IL1RAPL2: variants seen among roughly 807,000 people sequenced by gnomAD.
The protein encoded by IL1RAPL2 is X-linked interleukin-1 receptor accessory protein-like 2.
Under a neutral mutation model 44.1 loss-of-function variants are expected in IL1RAPL2, and 3 were observed. That is an observed-to-expected ratio of 0.07 (90% CI 0.03 to 0.18). The LOEUF is 0.18. Ranked by LOEUF, IL1RAPL2 falls within the 10% of genes least tolerant of loss-of-function variation. The pLI is 1.00. For missense variants in IL1RAPL2, 391 were observed against 496.4 expected (o/e 0.79, Z 2.02); for synonymous variants, 181 against 178.8 (o/e 1.01, Z -0.10).
intron 5 of IL1RAPL2, among the ~76,000 whole-genome samples, chrX:105,436,065 A>G (rs771330940): frequency 8.9e-6 from 1 of 111,744 alleles, no homozygotes; most frequent in South Asian, 3.7e-4. Context: ...ATAAATAAAT[A>G]AGAAAAGGAA....
intron 2 of IL1RAPL2, among the ~76,000 whole-genome samples, chrX:104,989,619 AAATG>A (rs1236621130): frequency 3.6e-5 from 4 of 111,514 alleles, no homozygotes; most frequent in African/African-American, 1.3e-4. Flanking sequence ...ACGAGGGAAA[AAATG>A]AACATATGAC....
chrX:105,385,404 G>A (rs971120054), intron 5 of IL1RAPL2, among the ~76,000 whole-genome samples: 1 of 111,137 alleles, frequency 9.0e-6, no homozygotes, highest in African/African-American at 3.3e-5. Flanking sequence ...AGAATCCTCT[G>A]TTTATAAGGG....
At chrX:105,389,965 T>C (rs775765215) in intron 5 of IL1RAPL2, among the ~76,000 whole-genome samples, 5 of 111,219 alleles carry the variant, frequency 4.5e-5, no homozygotes, top group African/African-American at 1.6e-4. Context: ...GAAAATGTTC[T>C]GTGAGACATA....
At chrX:105,017,435 T>A (rs1047585650) in intron 2 of IL1RAPL2, among the ~76,000 whole-genome samples, 1 of 111,555 alleles carries the variant, frequency 9.0e-6, no homozygotes, top group Non-Finnish European at 1.9e-5. Context: ...AAAATACTTA[T>A]GCAAGTGAGT....
intron 4 of IL1RAPL2, among the ~76,000 whole-genome samples, chrX:105,243,954 T>A (rs1556211716): frequency 8.9e-6 from 1 of 111,816 alleles, no homozygotes; most frequent in Admixed American, 9.5e-5. Flanking sequence ...GCTTAAGATT[T>A]GTATTTGCCT....
At chrX:105,076,641 G>A (rs146421154) in intron 2 of IL1RAPL2, among the ~76,000 whole-genome samples, 1,828 of 110,713 alleles carry the variant, frequency 0.017, 39 homozygotes, top group African/African-American at 0.057. Flanking sequence ...TTGACAGTGG[G>A]GTGTTAAAAT....
At chrX:105,686,380 C>CAAAAAAAAAAAAA (rs1177667576) in intron 6 of IL1RAPL2, among the ~76,000 whole-genome samples, 11 of 25,168 alleles carry the variant, frequency 4.4e-4, no homozygotes, top group Admixed American at 7.2e-4. Flanking sequence ...AAATGGAAAG[C>CAAAAAAAAAAAAA]AAAAAAAAAA....
At chrX:104,788,844 G>A (rs1160231750) in intron 2 of IL1RAPL2, among the ~76,000 whole-genome samples, 10 of 111,762 alleles carry the variant, frequency 8.9e-5, no homozygotes, top group African/African-American at 3.3e-4. Context: ...GGGTTATAAT[G>A]TAAGAAAAGC....
chrX:104,744,887 G>A (rs1932149431), intron 2 of IL1RAPL2, among the ~76,000 whole-genome samples: 1 of 110,594 alleles, frequency 9.0e-6, no homozygotes, highest in Admixed American at 9.7e-5. Context: ...TATATATGTG[G>A]AGTGGTGTTA....
At chrX:105,301,584 T>C (rs924017320) in intron 5 of IL1RAPL2, among the ~76,000 whole-genome samples, 4 of 110,791 alleles carry the variant, frequency 3.6e-5, no homozygotes, top group African/African-American at 1.3e-4. Flanking sequence ...TTCAGTTGTT[T>C]TGAAGTTTAG....
intron 1 of IL1RAPL2, among the ~76,000 whole-genome samples, chrX:104,609,679 T>C (rs1379799884): frequency 2.7e-5 from 3 of 112,129 alleles, no homozygotes; most frequent in Non-Finnish European, 5.6e-5. Flanking sequence ...GAAGTTCTCA[T>C]GCTGTGTTTT....
At chrX:105,138,671 G>A (rs947050845) in intron 2 of IL1RAPL2, among the ~76,000 whole-genome samples, 2 of 110,981 alleles carry the variant, frequency 1.8e-5, no homozygotes, top group Non-Finnish European at 1.9e-5. Flanking sequence ...TGTTCAAAAG[G>A]TTCATTCTGT....
intron 2 of IL1RAPL2, among the ~76,000 whole-genome samples, chrX:105,065,211 C>T (rs2032122687): frequency 9.0e-6 from 1 of 111,506 alleles, no homozygotes; most frequent in African/African-American, 3.3e-5. Context: ...TCCACCACAT[C>T]GTAATTGTTT....
intron 2 of IL1RAPL2, among the ~76,000 whole-genome samples, chrX:104,888,187 G>A (rs754698103): frequency 1.8e-5 from 2 of 109,459 alleles, no homozygotes; most frequent in Non-Finnish European, 3.8e-5. Context: ...GTGGTTGGCA[G>A]AGGCAAGGAA....
At chrX:104,982,426 C>T in intron 2 of IL1RAPL2, among the ~76,000 whole-genome samples, 1 of 110,744 alleles carries the variant, frequency 9.0e-6, no homozygotes. Context: ...TTTCTTCTTT[C>T]CTCCATATCA....
chrX:105,739,215 C>T (rs1602548632), intron 7 of IL1RAPL2, among the ~76,000 whole-genome samples: 1 of 111,200 alleles, frequency 9.0e-6, no homozygotes, highest in East Asian at 2.9e-4. Context: ...AATTAGTTTC[C>T]ATGATCTTAG....
At chrX:104,879,440 T>C (rs1360850130) in intron 2 of IL1RAPL2, among the ~76,000 whole-genome samples, 2 of 106,081 alleles carry the variant, frequency 1.9e-5, no homozygotes, top group African/African-American at 7.1e-5. Flanking sequence ...GGTGTCTGCA[T>C]TTTCTTGCAA....
chrX:105,052,868 G>A (rs1056459353), intron 2 of IL1RAPL2, among the ~76,000 whole-genome samples: 1 of 110,304 alleles, frequency 9.1e-6, no homozygotes, highest in Admixed American at 9.7e-5. Context: ...TAATGCTTTC[G>A]CTCCACTTGA....
At chrX:105,292,394 G>A (rs1433668803) in intron 5 of IL1RAPL2, among the ~76,000 whole-genome samples, 2 of 112,201 alleles carry the variant, frequency 1.8e-5, no homozygotes, top group Non-Finnish European at 3.8e-5. Flanking sequence ...GCCACTTGTT[G>A]TGTTTGGTAT....
Sources: allele counts gnomAD v4.1 joint callset (sites outside exome capture counted in the v4.1 genomes callset), GRCh38; gene constraint gnomAD v4.1.1; transcripts MANE v1.5; gene names NCBI Gene and HGNC (gene_info 2026-07-23, HGNC 2026-07-21).